GPATCH1: variants seen among roughly 807,000 people sequenced by gnomAD.
GPATCH1 encodes the protein G-patch domain containing 1.
GPATCH1 carries 73 observed loss-of-function variants against 114.9 expected under a neutral mutation model. That is an observed-to-expected ratio of 0.64 (90% CI 0.53 to 0.77). The LOEUF (loss-of-function observed/expected upper bound fraction) is 0.77. GPATCH1 is among the 30% of genes least tolerant of loss of function. GPATCH1 has a pLI of 0.00. For synonymous variants in GPATCH1, 391 were observed against 428.4 expected, an observed-to-expected ratio of 0.91 and a Z score of 1.08; for missense variants, 1,058 against 1,144.3, an observed-to-expected ratio of 0.92 and a Z score of 1.09.
chr19:33,125,013 A>G (rs1203352576), intron 17 of GPATCH1, 92 bp from the exon 18 acceptor site: 1 of 1,326,924 alleles, frequency 7.5e-7, no homozygotes, highest in African/African-American at 1.5e-5. Flanking sequence ...CATCTACACT[A>G]GATGCCTGAT....
intron 2 of GPATCH1, among the ~76,000 whole-genome samples, chr19:33,088,759 C>T (rs542699402): frequency 2.0e-5 from 3 of 149,576 alleles, no homozygotes; most frequent in South Asian, 2.1e-4. Context: ...CGGGTTCAAG[C>T]GATTCTCCTG....
At chr19:33,118,957 A>G (rs1244203675) in intron 16 of GPATCH1, 53 bp from the exon 17 acceptor site, 31 of 1,059,920 alleles carry the variant, frequency 2.9e-5, no homozygotes, top group Non-Finnish European at 3.8e-5. Flanking sequence ...TGAAAGACTC[A>G]GAGACATTAA....
At chr19:33,093,292 A>C (rs1225201670) in intron 3 of GPATCH1, 67 bp from the exon 4 acceptor site, 18 of 1,057,794 alleles carry the variant, frequency 1.7e-5, no homozygotes, top group Non-Finnish European at 2.3e-5. Flanking sequence ...AACAGAAATA[A>C]AACTATGTGA....
intron 3 of GPATCH1, among the ~76,000 whole-genome samples, chr19:33,091,397 G>A (rs1368858662): frequency 8.4e-6 from 1 of 119,192 alleles, no homozygotes; most frequent in Non-Finnish European, 1.6e-5. Flanking sequence ...CTGGGCGACA[G>A]AGCAAGACTC....
At chr19:33,129,950 A>G (rs796870971) in intron 19 of GPATCH1, among the ~76,000 whole-genome samples, 180 bp from the exon 20 acceptor site, 18 of 37,240 alleles carry the variant, frequency 4.8e-4, no homozygotes, top group Admixed American at 8.6e-4. Flanking sequence ...ATCTCGGGGG[A>G]AAAAAAAAAA....
chr19:33,090,809 C>G lies in GPATCH1; in HGVS notation c.238C>G (p.Arg80Gly), dbSNP rs144223467. Residue 80 changes from arginine (R) to glycine (G), a missense_variant, in exon 3 of 20, where the codon CGA (arginine) becomes GGA (glycine). This residue lies in a region of GPATCH1 where 131 missense variants were observed against 107.2 expected (regional missense o/e 1.22). Coordinates refer to ENST00000170564, the MANE Select transcript of GPATCH1 (RefSeq NM_018025.3). ...GWTPSTFVSS[R>G]QNRADKSVLG... ...GACACCCTCTACCTTTGTGTCTTCACGACAGAACAGAGCAGACAAATCTGT... is the reference window on the plus strand; with the variant it reads ...GACACCCTCTACCTTTGTGTCTTCAGGACAGAACAGAGCAGACAAATCTGT... 37 of 1,612,408 alleles carry G rather than the reference C, an allele frequency of 2.3e-5. No homozygotes were observed. In the African/African-American group the frequency reaches 4.5e-4, roughly 20 times the overall value.
At chr19:33,084,407 G>T (rs553671042) in intron 1 of GPATCH1, among the ~76,000 whole-genome samples, 1 of 152,190 alleles carries the variant, frequency 6.6e-6, no homozygotes, top group East Asian at 1.9e-4. Context: ...ACTTCCACTT[G>T]GTTCTAGAAT....
chr19:33,093,550 T>G (rs377165057), intron 4 of GPATCH1, 31 bp downstream of exon 4: 80 of 1,589,350 alleles, frequency 5.0e-5, no homozygotes, highest in Non-Finnish European at 6.6e-5. Flanking sequence ...GTCATGATCT[T>G]AGCACCGGTG....
In GPATCH1 at chr19:33,101,586, T is replaced by G; in HGVS notation, c.1080+12T>G. On this transcript the variant is annotated intron_variant, in intron 9 of 19. Coordinates refer to ENST00000170564, the MANE Select transcript of GPATCH1 (RefSeq NM_018025.3). The stretch of plus-strand genomic sequence containing the variant: ...TATCTTCTAAGAAAGTAAGAAAAAC[T>G]TTTTTTCTTTCTTTTTTTACTGGTT... 1 of 1,388,774 alleles carries G rather than the reference T, an allele frequency of 7.2e-7. No individual in the cohort carries two copies. Among genetic ancestry groups the G allele is most frequent in the Non-Finnish European group, 1.0e-6 (1 of 983,002 alleles). 86.0% of individuals were successfully genotyped at this position (1,388,774 alleles called of 1,614,324 possible).
chr19:33,083,243 C>CAAAAAAA (rs759998717), intron 1 of GPATCH1, among the ~76,000 whole-genome samples: 1 of 61,692 alleles, frequency 1.6e-5, no homozygotes, highest in South Asian at 6.9e-4. Context: ...GACTCTGTCT[C>CAAAAAAA]AAAAAAAAAA....
chr19:33,128,852 A>G (rs1973071553), intron 19 of GPATCH1, among the ~76,000 whole-genome samples: 1 of 152,138 alleles, frequency 6.6e-6, no homozygotes, highest in African/African-American at 2.4e-5. Flanking sequence ...TGTTGTGTGG[A>G]TACTGGGTTT....
intron 1 of GPATCH1, among the ~76,000 whole-genome samples, chr19:33,085,842 C>T (rs117490800): frequency 0.02 from 3,039 of 152,272 alleles, 58 homozygotes; most frequent in Non-Finnish European, 0.032. Context: ...GCCTTCTGCT[C>T]AGGAGACCTG....
At position 33,109,897 on chromosome 19, in the gene GPATCH1, T is replaced by C. The variant is rs760535022; in HGVS notation, c.1466T>C (p.Met489Thr). The C allele has an allele frequency of 3.7e-6, 6 of 1,614,166 alleles. No homozygotes were observed. In the South Asian group the frequency reaches 6.6e-5, roughly 18 times the overall value. ...AAAAGHCSWNMALGGGTATLK... is the reference protein window; with the variant it reads ...AAAAGHCSWNTALGGGTATLK... ...GCTGCTGGGCACTGCTCTTGGAACATGGCATTAGGTGGTGGGACGGCCACC... is the reference window on the plus strand; with the variant it reads ...GCTGCTGGGCACTGCTCTTGGAACACGGCATTAGGTGGTGGGACGGCCACC... The change falls in exon 11 of 20, where the codon ATG becomes ACG. Residue 489 changes from methionine to threonine, a missense_variant. Coordinates refer to ENST00000170564, the MANE Select transcript of GPATCH1 (RefSeq NM_018025.3).
chr19:33,099,261 ATC>A (rs1376318011), intron 8 of GPATCH1, among the ~76,000 whole-genome samples: 3 of 151,496 alleles, frequency 2.0e-5, no homozygotes, highest in Non-Finnish European at 2.9e-5. Context: ...AATATCCTAT[ATC>A]TGTTAATATA....
At chr19:33,122,545 G>A (rs968934530) in intron 17 of GPATCH1, among the ~76,000 whole-genome samples, 1 of 151,526 alleles carries the variant, frequency 6.6e-6, no homozygotes, top group African/African-American at 2.4e-5. Context: ...GGATGGTCTC[G>A]ATCTCCTGAA....
At chr19:33,118,745 T>C (rs1239185487) in intron 16 of GPATCH1, among the ~76,000 whole-genome samples, 2 of 152,208 alleles carry the variant, frequency 1.3e-5, no homozygotes. Context: ...GGCGCTAGGC[T>C]ACGTGCCCAC....
At chr19:33,112,683 T>C (rs1272794902) in intron 13 of GPATCH1, 70 bp downstream of exon 13, 2 of 1,243,588 alleles carry the variant, frequency 1.6e-6, no homozygotes, top group African/African-American at 3.0e-5. Context: ...TCCCCTTACA[T>C]ACTCATATAA....
chr19:33,094,392 C>G, intron 5 of GPATCH1, 123 bp downstream of exon 5: 1 of 610,910 alleles, frequency 1.6e-6, no homozygotes, highest in Non-Finnish European at 2.9e-6. Flanking sequence ...CATACTGCAG[C>G]CTTGACCTCC....
intron 9 of GPATCH1, among the ~76,000 whole-genome samples, chr19:33,104,398 T>G (rs1048228149): frequency 8.6e-5 from 13 of 151,866 alleles, no homozygotes; most frequent in African/African-American, 3.2e-4. Context: ...GTGGACACAC[T>G]CCTCCTTTCT....
Sources: allele counts gnomAD v4.1 joint callset (sites outside exome capture counted in the v4.1 genomes callset), GRCh38; gene constraint gnomAD v4.1.1; regional missense constraint gnomAD v4.1.1; transcripts MANE v1.5; gene names NCBI Gene and HGNC (gene_info 2026-07-23, HGNC 2026-07-21).